The following KIAA0232 variants were observed in gnomAD, a reference collection of about 807,000 sequenced individuals.
KIAA0232 encodes the protein uncharacterized protein KIAA0232.
Under a neutral mutation model 122.0 loss-of-function variants are expected in KIAA0232, and 27 were observed. The observed-to-expected ratio is 0.22, with a 90% CI of 0.16 to 0.31. The LOEUF is 0.31. Among genes scored for constraint, KIAA0232 ranks in the 10% least tolerant of loss-of-function variants. The probability of loss-of-function intolerance (pLI) is 1.00; values close to 1 mark genes in which losing one functional copy is unlikely to be tolerated. For missense variants in KIAA0232, 1,551 were observed against 1,634.2 expected (o/e 0.95, Z 0.88); for synonymous variants, 613 against 587.6 (o/e 1.04, Z -0.63).
Position 6,800,043 on chromosome 4 carries a change from C to CTTTTTTTTTT in KIAA0232, c.-353-4457_-353-4448dup, listed in dbSNP as rs752428517. Among the ~76,000 whole-genome samples, 428 of 59,976 alleles carry CTTTTTTTTTT rather than the reference C, an allele frequency of 7.1e-3. 68 individuals carry two copies. The highest frequency in any genetic ancestry group is 9.4e-3 in the Non-Finnish European group (263 of 28,050). The allele number at this position is 59,976 out of a possible 152,430, so 39.3% of individuals were successfully genotyped here. On this transcript the variant is annotated intron_variant, in intron 1 of 9. Coordinates refer to ENST00000307659, the MANE Select transcript of KIAA0232 (RefSeq NM_014743.3). ...TTTCTTTTTCTTTCTTTCTTTCTTTCTTTTTTTTTTTTTTTTTTTTTTTTT... is the reference window on the plus strand; with the variant it reads ...TTTCTTTTTCTTTCTTTCTTTCTTTCTTTTTTTTTTTTTTTTTTTTTTTTTTTTTTTTTTT...
chr4:6,795,486 A>C (rs749530342), intron 1 of KIAA0232, among the ~76,000 whole-genome samples: 3 of 152,098 alleles, frequency 2.0e-5, no homozygotes, highest in Non-Finnish European at 4.4e-5. Context: ...TATATCATTA[A>C]TTTTTACCTT....
intron 9 of KIAA0232, among the ~76,000 whole-genome samples, 174 bp downstream of exon 9, chr4:6,876,931 T>TC (rs1009302230): frequency 1.5e-4 from 23 of 152,112 alleles, no homozygotes; most frequent in African/African-American, 1.9e-4. Context: ...GTCTGCATTC[T>TC]CCCCCGCTTC....
At position 6,863,538 on chromosome 4, in the gene KIAA0232, T is replaced by C; in HGVS notation, c.3156T>C (p.Leu1052=). The C allele has an allele frequency of 6.2e-7, 1 of 1,614,210 alleles. No individual in the cohort carries two copies. Among genetic ancestry groups the C allele is most frequent in the Non-Finnish European group, 8.5e-7 (1 of 1,180,042 alleles). Residue 1052 remains leucine, a synonymous_variant, in exon 7 of 10, where the codon CTT becomes CTC. Transcript: ENST00000307659. ...FDLSNPFSQV[L]HVECSFEPEG... ...TAAGCAATCCATTTTCACAAGTTCT[T>C]CATGTAGAATGCTCATTTGAACCTG...
intron 2 of KIAA0232, among the ~76,000 whole-genome samples, chr4:6,817,309 CA>C (rs1471655239): frequency 1.3e-5 from 2 of 152,168 alleles, no homozygotes; most frequent in Non-Finnish European, 2.9e-5. Flanking sequence ...CTCCTCCTCC[CA>C]GGTTCAAGTG....
intron 3 of KIAA0232, among the ~76,000 whole-genome samples, chr4:6,836,030 T>C (rs1382570589): frequency 6.6e-6 from 1 of 152,248 alleles, no homozygotes; most frequent in Non-Finnish European, 1.5e-5. Flanking sequence ...TCTAGATCCT[T>C]GAGGGATCGC....
chr4:6,878,382 T>TATATACATACAC (rs761401998), intron 9 of KIAA0232, among the ~76,000 whole-genome samples: 5 of 150,530 alleles, frequency 3.3e-5, no homozygotes, highest in Non-Finnish European at 7.5e-5. Context: ...CATTCATTCA[T>TATATACATACAC]ACATACATAC....
intron 5 of KIAA0232, among the ~76,000 whole-genome samples, chr4:6,857,471 C>T (rs1016312640): frequency 6.6e-6 from 1 of 152,088 alleles, no homozygotes; most frequent in Non-Finnish European, 1.5e-5. Flanking sequence ...CCACAGGTGC[C>T]CTCAGAGATA....
intron 2 of KIAA0232, among the ~76,000 whole-genome samples, chr4:6,818,246 C>T (rs71601810): frequency 6.6e-6 from 1 of 151,750 alleles, no homozygotes; most frequent in Non-Finnish European, 1.5e-5. Context: ...ACTAAAAATA[C>T]AAAAATTAGC....
intron 3 of KIAA0232, among the ~76,000 whole-genome samples, chr4:6,827,168 A>G (rs530666051): frequency 6.6e-6 from 1 of 152,348 alleles, no homozygotes; most frequent in African/African-American, 2.4e-5. Flanking sequence ...GAAGAAGGTC[A>G]AATTTTAAAT....
intron 1 of KIAA0232, among the ~76,000 whole-genome samples, chr4:6,789,214 G>A (rs1038326559): frequency 6.6e-6 from 1 of 151,150 alleles, no homozygotes; most frequent in Non-Finnish European, 1.5e-5. Flanking sequence ...CTCGTGGTCT[G>A]CCCGCTTTGG....
intron 1 of KIAA0232, among the ~76,000 whole-genome samples, chr4:6,796,323 C>T (rs1242865816): frequency 1.3e-5 from 2 of 151,980 alleles, no homozygotes; most frequent in African/African-American, 2.4e-5. Context: ...CTCACTGCAG[C>T]CTCTGCCTCC....
chr4:6,814,472 T>G (rs1435480747), intron 2 of KIAA0232, among the ~76,000 whole-genome samples: 2 of 152,118 alleles, frequency 1.3e-5, no homozygotes, highest in African/African-American at 2.4e-5. Context: ...ATAATCCTAT[T>G]AGTAACAGAA....
chr4:6,815,160 G>A (rs1718060356), intron 2 of KIAA0232, among the ~76,000 whole-genome samples: 1 of 152,092 alleles, frequency 6.6e-6, no homozygotes, highest in Non-Finnish European at 1.5e-5. Flanking sequence ...TGAGTGTAAA[G>A]GCAGATAGAC....
At chr4:6,793,808 C>G (rs976298720) in intron 1 of KIAA0232, among the ~76,000 whole-genome samples, 2 of 152,116 alleles carry the variant, frequency 1.3e-5, no homozygotes, top group African/African-American at 4.8e-5. Flanking sequence ...CCTGAGAACT[C>G]TGAGAGAGAT....
chr4:6,800,951 C>G (rs1198152481), intron 1 of KIAA0232, among the ~76,000 whole-genome samples: 1 of 152,164 alleles, frequency 6.6e-6, no homozygotes, highest in Non-Finnish European at 1.5e-5. Context: ...AGCTTATTAA[C>G]ATGGAATGTA....
intron 4 of KIAA0232, among the ~76,000 whole-genome samples, chr4:6,851,809 C>A (rs1358333429): frequency 6.7e-6 from 1 of 149,664 alleles, no homozygotes; most frequent in African/African-American, 2.5e-5. Context: ...GGACTTAATT[C>A]AAGTTGAAGT....
chr4:6,862,282 C>G lies in KIAA0232; in HGVS notation c.1900C>G (p.Leu634Val), dbSNP rs763806076. Residue 634 changes from leucine (L) to valine (V), a missense_variant, in exon 7 of 10, where the codon CTC becomes GTC. By Grantham distance (32) the Leu-to-Val change is conservative. Transcript: ENST00000307659. ...NSHLLAGNQE[L>V]FSDINEGSGI... ...ACACCTGCTTGCTGGCAATCAAGAG[C>G]TCTTTTCAGATATTAATGAAGGATC... 1 of 1,614,172 alleles carries G rather than the reference C, an allele frequency of 6.2e-7. No individual in the cohort carries two copies. The highest frequency in any genetic ancestry group is 8.5e-7 in the Non-Finnish European group (1 of 1,180,024).
intron 2 of KIAA0232, among the ~76,000 whole-genome samples, chr4:6,819,445 G>A (rs6834265): frequency 0.76 from 116,196 of 152,026 alleles, 45,036 homozygotes; most frequent in Non-Finnish European, 0.84. Flanking sequence ...GTGGGCAAAA[G>A]ACATGAACAG....
chr4:6,834,169 G>T (rs1719141777), intron 3 of KIAA0232, among the ~76,000 whole-genome samples: 2 of 152,168 alleles, frequency 1.3e-5, no homozygotes, highest in African/African-American at 4.8e-5. Context: ...AGCTCACTGA[G>T]CCTCGAACTC....
Sources: gnomAD v4.1 joint callset for allele counts (sites outside exome capture counted in the v4.1 genomes callset) on GRCh38, gnomAD v4.1.1 for gene constraint, MANE v1.5 for transcripts, NCBI Gene and HGNC (gene_info 2026-07-23, HGNC 2026-07-21) for gene names.